Variants in DLG2 observed in about 807,000 individuals in gnomAD.
DLG2 encodes the protein disks large homolog 2.
A neutral mutation model predicts 132.5 loss-of-function variants in DLG2; 45 were observed. The ratio of observed to expected loss-of-function variants is 0.34; its 90% CI spans 0.27 to 0.44. The LOEUF (loss-of-function observed/expected upper bound fraction) is 0.44, where lower values mean the gene tolerates loss of function less well. Among genes scored for constraint, DLG2 ranks in the 20% least tolerant of loss-of-function variants. DLG2 has a pLI of 1.00. For missense variants in DLG2, 1,045 were observed against 1,196.9 expected, an observed-to-expected ratio of 0.87 and a Z score of 1.87; for synonymous variants, 424 against 419.6, an observed-to-expected ratio of 1.01 and a Z score of -0.13.
chr11:85,145,115 A>ATT (rs60398427), intron 5 of DLG2, among the ~76,000 whole-genome samples: 44 of 148,070 alleles, frequency 3.0e-4, no homozygotes, highest in African/African-American at 7.7e-4. Context: ...AAGTTGTTTC[A>ATT]TTTTTTTTTT....
At chr11:84,580,681 A>C (rs1173888311) in intron 6 of DLG2, among the ~76,000 whole-genome samples, 1 of 152,178 alleles carries the variant, frequency 6.6e-6, no homozygotes, top group Non-Finnish European at 1.5e-5. Context: ...AAACACTAAA[A>C]CGTGGAAAGG....
chr11:84,789,373 A>C lies in DLG2; in HGVS notation c.358-254642T>G, dbSNP rs929330780. On this transcript the variant is annotated intron_variant, in intron 6 of 27. Transcript: ENST00000376104. ...TTTGTTAAATAGCATTAAGACAATG[A>C]TTGAGTAAACATTTTAGGACAAAGC... Among the ~76,000 whole-genome samples the C allele has an allele frequency of 8.5e-5, 13 of 152,188 alleles. No homozygotes were observed. The South Asian group carries it at 1.4e-3, about 17-fold the overall frequency.
In DLG2 at chr11:83,460,161, C is replaced by T. The variant is rs1461637899; in HGVS notation, c.2822-237G>A. 3.9e-5 allele frequency among the ~76,000 whole-genome samples: 6 copies of T among 152,312 alleles called. No individual in the cohort carries two copies. In the East Asian group the frequency reaches 9.6e-4, roughly 24 times the overall value. On this transcript the variant is annotated intron_variant, in intron 27 of 27. Coordinates refer to ENST00000376104, the MANE Select transcript of DLG2 (RefSeq NM_001142699.3). The stretch of plus-strand genomic sequence containing the variant: ...AGTAACAAATGATTCACAGTCTTTG[C>T]ACTTTCTACATGTCTGTCTGTAGTA...
At chr11:84,376,382 C>A (rs1045939825) in intron 7 of DLG2, among the ~76,000 whole-genome samples, 1 of 151,870 alleles carries the variant, frequency 6.6e-6, no homozygotes, top group Non-Finnish European at 1.5e-5. Flanking sequence ...TTAGGAAAAT[C>A]ATTCTAGAAA....
At chr11:83,961,946 T>C (rs900511604) in intron 14 of DLG2, among the ~76,000 whole-genome samples, 1 of 152,058 alleles carries the variant, frequency 6.6e-6, no homozygotes, top group East Asian at 1.9e-4. Flanking sequence ...GCAAACCTGA[T>C]ATTGCAAAAT....
intron 3 of DLG2, among the ~76,000 whole-genome samples, chr11:85,435,550 C>T (rs1054770289): frequency 4.6e-5 from 7 of 152,080 alleles, no homozygotes; most frequent in Non-Finnish European, 8.8e-5. Flanking sequence ...CATGAATGAA[C>T]TCCCATTCAC....
chr11:84,673,921 C>T (rs1371517871), intron 6 of DLG2, among the ~76,000 whole-genome samples: 2 of 152,126 alleles, frequency 1.3e-5, no homozygotes, highest in Non-Finnish European at 2.9e-5. Context: ...TGCTGGCTTG[C>T]TGTCTTCTGA....
intron 7 of DLG2, among the ~76,000 whole-genome samples, chr11:84,407,802 G>C (rs2098864582): frequency 6.6e-6 from 1 of 152,202 alleles, no homozygotes; most frequent in South Asian, 2.1e-4. Context: ...GTGGTAGAAT[G>C]ACATCTAGAG....
chr11:84,969,170 A>C (rs1306760851), intron 6 of DLG2, among the ~76,000 whole-genome samples: 1 of 152,114 alleles, frequency 6.6e-6, no homozygotes, highest in African/African-American at 2.4e-5. Flanking sequence ...ATTTTGGCTC[A>C]TGAACCAAAG....
chr11:84,203,581 CA>C (rs58934857), intron 8 of DLG2, among the ~76,000 whole-genome samples: 1,295 of 99,366 alleles, frequency 0.013, 9 homozygotes, highest in Non-Finnish European at 0.017. Context: ...GACTCCGTCT[CA>C]AAAAAAAAAA....
At chr11:84,438,390 T>A (rs1422401808) in intron 7 of DLG2, among the ~76,000 whole-genome samples, 4 of 152,120 alleles carry the variant, frequency 2.6e-5, no homozygotes, top group Admixed American at 6.5e-5. Context: ...AGGACGATTT[T>A]TTGACATAGT....
At chr11:85,505,992 C>T (rs2093922771) in intron 3 of DLG2, among the ~76,000 whole-genome samples, 1 of 152,174 alleles carries the variant, frequency 6.6e-6, no homozygotes, top group South Asian at 2.1e-4. Flanking sequence ...TCTAGATTTT[C>T]TAATTTATTT....
At chr11:83,741,484 A>T (rs1264813311) in intron 18 of DLG2, among the ~76,000 whole-genome samples, 1 of 152,194 alleles carries the variant, frequency 6.6e-6, no homozygotes, top group Non-Finnish European at 1.5e-5. Flanking sequence ...ATATTAAAAA[A>T]TCTGTAGCAT....
intron 6 of DLG2, among the ~76,000 whole-genome samples, chr11:84,872,463 G>T (rs749030320): frequency 2.0e-4 from 31 of 152,192 alleles, no homozygotes; most frequent in South Asian, 4.1e-4. Context: ...GGTAGTTTGG[G>T]AGATAGTCAT....
chr11:85,481,448 G>A (rs775993523), intron 3 of DLG2, among the ~76,000 whole-genome samples: 1 of 152,184 alleles, frequency 6.6e-6, no homozygotes, highest in Non-Finnish European at 1.5e-5. Context: ...ATGGAAGAGG[G>A]TAGAAAGAAC....
At chr11:85,131,334 T>C (rs2075691765) in intron 5 of DLG2, among the ~76,000 whole-genome samples, 1 of 152,134 alleles carries the variant, frequency 6.6e-6, no homozygotes, top group Non-Finnish European at 1.5e-5. Flanking sequence ...TCACAGTATC[T>C]AAAATTATTA....
At chr11:84,862,746 A>T (rs894025257) in intron 6 of DLG2, among the ~76,000 whole-genome samples, 2 of 146,194 alleles carry the variant, frequency 1.4e-5, no homozygotes, top group Admixed American at 1.4e-4. Context: ...GCATGTTCTC[A>T]CTCATAAATA....
chr11:83,918,737 T>A (rs902774112), intron 15 of DLG2, among the ~76,000 whole-genome samples: 2 of 149,806 alleles, frequency 1.3e-5, no homozygotes, highest in African/African-American at 2.4e-5. Context: ...CAGCTGACCA[T>A]GGGTCCCACA....
intron 15 of DLG2, among the ~76,000 whole-genome samples, chr11:83,900,139 T>C (rs1040465518): frequency 3.3e-5 from 5 of 152,182 alleles, no homozygotes; most frequent in Admixed American, 2.0e-4. Context: ...TTAGGGTATC[T>C]GGCAGAGGAA....
Sources: gnomAD v4.1 joint callset for allele counts (sites outside exome capture counted in the v4.1 genomes callset) on GRCh38, gnomAD v4.1.1 for gene constraint, MANE v1.5 for transcripts, NCBI Gene and HGNC (gene_info 2026-07-23, HGNC 2026-07-21) for gene names.